Variants in PDE3B observed in about 807,000 individuals in gnomAD.
The protein encoded by PDE3B is phosphodiesterase 3B, also known as cGMP-inhibited 3',5'-cyclic phosphodiesterase 3B.
In PDE3B, 66 loss-of-function variants were observed where a neutral mutation model predicts 116.8. That is an observed-to-expected ratio of 0.56 (90% CI 0.46 to 0.69). PDE3B has a LOEUF of 0.69. Ranked by LOEUF, PDE3B falls within the 30% of genes least tolerant of loss-of-function variation. The pLI is 0.00. For synonymous variants in PDE3B, 595 were observed against 533.6 expected (o/e 1.12, Z -1.59); for missense variants, 1,384 against 1,368.1 (o/e 1.01, Z -0.18).
chr11:14,710,049 G>GT (rs1406320329), intron 1 of PDE3B, among the ~76,000 whole-genome samples: 1 of 152,152 alleles, frequency 6.6e-6, no homozygotes, highest in African/African-American at 2.4e-5. Flanking sequence ...GTCATAGTCA[G>GT]TTTTTGGTTA....
intron 1 of PDE3B, among the ~76,000 whole-genome samples, chr11:14,749,047 CCTGT>C (rs1856988554): frequency 1.3e-5 from 2 of 152,044 alleles, no homozygotes; most frequent in Admixed American, 1.3e-4. Context: ...TACCACCATG[CCTGT>C]CTAATTTTTG....
chr11:14,757,305 TG>T (rs1409683273), intron 1 of PDE3B, among the ~76,000 whole-genome samples: 1 of 149,024 alleles, frequency 6.7e-6, no homozygotes, highest in Non-Finnish European at 1.5e-5. Context: ...TATAGTCCTT[TG>T]GGTATATACC....
the PDE3B span, among the ~76,000 whole-genome samples, chr11:14,895,581 G>GCA: frequency 0.15 from 22,367 of 152,078 alleles, 1,938 homozygotes; most frequent in Admixed American, 0.25. Flanking sequence ...CTGAATTCGT[G>GCA]CACTTGGATT....
At chr11:14,674,920 AT>A (rs1019266833) in intron 1 of PDE3B, among the ~76,000 whole-genome samples, 1 of 152,108 alleles carries the variant, frequency 6.6e-6, no homozygotes, top group Non-Finnish European at 1.5e-5. Flanking sequence ...AGGACTACTA[AT>A]TTTTTTATTA....
chr11:14,880,536 G>A, the PDE3B span: 1 of 1,613,446 alleles, frequency 6.2e-7, no homozygotes, highest in Admixed American at 1.7e-5. Context: ...CTTCATAAGT[G>A]AATCGTTCTC....
chr11:14,714,984 A>G (rs558071839), intron 1 of PDE3B, among the ~76,000 whole-genome samples: 1 of 152,274 alleles, frequency 6.6e-6, no homozygotes, highest in East Asian at 1.9e-4. Context: ...TACACAGCAA[A>G]TGAATTTTGA....
chr11:14,779,854 A>G (rs567792448), intron 2 of PDE3B, among the ~76,000 whole-genome samples: 2 of 152,334 alleles, frequency 1.3e-5, no homozygotes, highest in South Asian at 4.1e-4. Context: ...AAATGCTCCA[A>G]TTAAAAGACA....
intron 1 of PDE3B, among the ~76,000 whole-genome samples, chr11:14,686,623 CT>C (rs1478077836): frequency 6.6e-6 from 1 of 152,108 alleles, no homozygotes; most frequent in East Asian, 1.9e-4. Flanking sequence ...TTTATACTTA[CT>C]TTAAATTTTA....
intron 1 of PDE3B, among the ~76,000 whole-genome samples, chr11:14,680,163 C>T (rs1168636483): frequency 6.6e-6 from 1 of 152,196 alleles, no homozygotes; most frequent in Non-Finnish European, 1.5e-5. Flanking sequence ...GGACCTCAAC[C>T]TCTCTGAAGG....
At chr11:14,646,700 A>G (rs1029547582) in intron 1 of PDE3B, among the ~76,000 whole-genome samples, 1 of 152,082 alleles carries the variant, frequency 6.6e-6, no homozygotes, top group Non-Finnish European at 1.5e-5. Context: ...TTGGTGCGGT[A>G]ATTCTGTCTG....
chr11:14,644,654 A>C lies in PDE3B; in HGVS notation c.579A>C (p.Ala193=). 2.0e-6 allele frequency: 3 copies of C among 1,500,446 alleles called. No individual in the cohort carries two copies. Among genetic ancestry groups the C allele is most frequent in the Non-Finnish European group, 2.7e-6 (3 of 1,128,362 alleles). The allele number at this position is 1,500,446 out of a possible 1,614,324, so 92.9% of individuals were successfully genotyped here. The part of the protein sequence containing the change: ...SAAPHTPPEA[A]AGRLLLVLSC... Reference sequence around the variant, plus strand: ...CCCCGCACACGCCCCCGGAGGCGGCAGCGGGCAGGTTGCTGCTGGTGCTGA... The same window carrying C: ...CCCCGCACACGCCCCCGGAGGCGGCCGCGGGCAGGTTGCTGCTGGTGCTGA... The change falls in exon 1 of 16, where the codon GCA becomes GCC. Residue 193 remains alanine, a synonymous_variant. Coordinates refer to ENST00000282096, the MANE Select transcript of PDE3B (RefSeq NM_000922.4).
At chr11:14,728,231 A>G (rs1393253656) in intron 1 of PDE3B, among the ~76,000 whole-genome samples, 3 of 151,992 alleles carry the variant, frequency 2.0e-5, no homozygotes, top group Admixed American at 6.6e-5. Flanking sequence ...ACTGTGGCTG[A>G]TAGTGTTATA....
chr11:14,724,632 G>A (rs946458357), intron 1 of PDE3B, among the ~76,000 whole-genome samples: 1 of 152,180 alleles, frequency 6.6e-6, no homozygotes, highest in South Asian at 2.1e-4. Flanking sequence ...AAGCATTTCA[G>A]ATCAGGATAC....
At chr11:14,795,403 G>A (rs1225799636) in intron 4 of PDE3B, among the ~76,000 whole-genome samples, 1 of 152,186 alleles carries the variant, frequency 6.6e-6, no homozygotes, top group Non-Finnish European at 1.5e-5. Context: ...ACTATTAGTA[G>A]TCATTGGAAC....
At chr11:14,757,191 C>T (rs1857216064) in intron 1 of PDE3B, among the ~76,000 whole-genome samples, 1 of 151,764 alleles carries the variant, frequency 6.6e-6, no homozygotes, top group East Asian at 1.9e-4. Context: ...TTTTCTTAAT[C>T]CAGTCTATCA....
At chr11:14,674,063 T>G in intron 1 of PDE3B, 1 of 1,529,242 alleles carries the variant, frequency 6.5e-7, no homozygotes, top group Middle Eastern at 1.7e-4. Context: ...AGCCACAGTT[T>G]TAGCTCTTCA....
At chr11:14,892,081 C>T in the PDE3B span, 3 of 1,611,842 alleles carry the variant, frequency 1.9e-6, no homozygotes, top group African/African-American at 4.0e-5. Context: ...CCCCGGCGGC[C>T]CCGGGGGGAA....
chr11:14,835,555 AC>A (rs1182743083), intron 11 of PDE3B, among the ~76,000 whole-genome samples: 1 of 152,172 alleles, frequency 6.6e-6, no homozygotes, highest in African/African-American at 2.4e-5. Context: ...GACATTAAAA[AC>A]TTTTATAAAC....
the PDE3B span, chr11:14,892,193 A>C: frequency 4.3e-6 from 7 of 1,610,036 alleles, no homozygotes; most frequent in Non-Finnish European, 5.1e-6. Context: ...TCAGCTCTCC[A>C]AAGCTTCCAC....
Sources: allele counts gnomAD v4.1 joint callset (sites outside exome capture counted in the v4.1 genomes callset), GRCh38; gene constraint gnomAD v4.1.1; transcripts MANE v1.5; gene names NCBI Gene and HGNC (gene_info 2026-07-23, HGNC 2026-07-21).